Variants in HIVEP3 observed in about 807,000 individuals in gnomAD.
HIVEP3 encodes transcription factor HIVEP3.
Under a neutral mutation model 152.8 loss-of-function variants are expected in HIVEP3, and 49 were observed. That is an observed-to-expected ratio of 0.32 (90% CI 0.26 to 0.41). The LOEUF is 0.41. HIVEP3 is among the 10% of genes least tolerant of loss of function. The pLI, the probability that HIVEP3 is intolerant of heterozygous loss-of-function variation, is 1.00. For missense variants in HIVEP3, 2,790 were observed against 3,103.3 expected (o/e 0.90, Z 2.40); for synonymous variants, 1,269 against 1,289.0 (o/e 0.98, Z 0.33).
At chr1:41,960,381 T>C (rs1460989238) in intron 1 of HIVEP3, among the ~76,000 whole-genome samples, 2 of 152,120 alleles carry the variant, frequency 1.3e-5, no homozygotes, top group East Asian at 1.9e-4. Flanking sequence ...GTACAAGCAG[T>C]AGCTGGTAGC....
At chr1:41,569,457 T>A (rs1644220098) in intron 5 of HIVEP3, among the ~76,000 whole-genome samples, 1 of 152,204 alleles carries the variant, frequency 6.6e-6, no homozygotes, top group African/African-American at 2.4e-5. Context: ...ATTTAATTCA[T>A]AGTTTAATCA....
intron 2 of HIVEP3, among the ~76,000 whole-genome samples, chr1:41,657,082 A>G (rs1645639137): frequency 6.6e-6 from 1 of 152,016 alleles, no homozygotes; most frequent in Admixed American, 6.5e-5. Context: ...GGGGATGCAG[A>G]CTCTCTCCTA....
At chr1:41,550,860 C>G (rs967908392) in intron 5 of HIVEP3, among the ~76,000 whole-genome samples, 1 of 152,050 alleles carries the variant, frequency 6.6e-6, no homozygotes, top group Non-Finnish European at 1.5e-5. Context: ...AATTGAATAC[C>G]CTTTATTTCT....
chr1:41,513,572 C>A lies in HIVEP3; in HGVS notation c.5649G>T (p.Pro1883=), dbSNP rs150644975. ...ELSRPSSEAP[P]PGPPHALRAD... ...CCCGCAGTGCATGTGGTGGGCCAGG[C>A]GGGGGCGCCTCTGAGGATGGTCTGG... Residue 1883 remains proline, a synonymous_variant, in exon 8 of 9, where the codon CCG becomes CCT. Coordinates refer to ENST00000372583, the MANE Select transcript of HIVEP3 (RefSeq NM_024503.5). 2 of 1,612,506 alleles carry A rather than the reference C, an allele frequency of 1.2e-6. No homozygotes were observed. Among genetic ancestry groups the A allele is most frequent in the Non-Finnish European group, 1.7e-6 (2 of 1,179,540 alleles).
Position 41,584,087 on chromosome 1 carries a change from C to T in HIVEP3, c.711G>A (p.Lys237=). ...TGCGGTGGGCATGGGACTTCCTGTG[C>T]TTGTAGAGATTACTCTTGGTCTTGA... ...FSFKTKSNLY[K]HRKSHAHRIK... Residue 237 remains lysine, a synonymous_variant, in exon 4 of 9, where the codon AAG becomes AAA. Coordinates refer to ENST00000372583, the MANE Select transcript of HIVEP3 (RefSeq NM_024503.5). This position sits in a 1 kb window ranked among gnomAD's most constrained non-coding sequence, Gnocchi z 5.2. 1.2e-6 allele frequency: 2 copies of T among 1,614,146 alleles called. No homozygotes were observed. Among genetic ancestry groups the T allele is most frequent in the South Asian group, 2.2e-5 (2 of 91,078 alleles).
At position 41,510,254 on chromosome 1, in the gene HIVEP3, G is replaced by C. The variant is rs1644430173; in HGVS notation, c.*197C>G. ...TAAATGTATGTATGTGATTTGTTTT[G>C]TTTCTTTTTAAGCAACAAAAGGTGT... On this transcript the variant is annotated 3_prime_UTR_variant, in exon 9 of 9. Coordinates refer to ENST00000372583, the MANE Select transcript of HIVEP3 (RefSeq NM_024503.5). 1 of 410,998 alleles carries C rather than the reference G, an allele frequency of 2.4e-6. No homozygotes were observed. The highest frequency in any genetic ancestry group is 4.2e-6 in the Non-Finnish European group (1 of 236,244). 25.5% of individuals were successfully genotyped at this position (410,998 alleles called of 1,614,324 possible). A position where few individuals can be genotyped will look rare whatever the true frequency, so the allele number is the denominator to read the frequency against.
At chr1:41,879,203 T>C (rs1644222692) in intron 1 of HIVEP3, among the ~76,000 whole-genome samples, 1 of 152,166 alleles carries the variant, frequency 6.6e-6, no homozygotes, top group South Asian at 2.1e-4. Context: ...GCAGGACCTG[T>C]TCCAGGTGCC....
intron 1 of HIVEP3, among the ~76,000 whole-genome samples, chr1:41,831,106 A>T (rs1330648784): frequency 1.3e-5 from 2 of 152,198 alleles, no homozygotes; most frequent in African/African-American, 2.4e-5. Flanking sequence ...TGAACTGCAG[A>T]GGACAAATAC....
intron 2 of HIVEP3, among the ~76,000 whole-genome samples, chr1:41,658,579 C>T (rs1016730635): frequency 2.9e-4 from 44 of 152,198 alleles, no homozygotes; most frequent in Admixed American, 2.2e-3. Context: ...CACTTCACCC[C>T]CCCCATGAGC....
chr1:41,591,692 T>A (rs1004893184), intron 3 of HIVEP3, among the ~76,000 whole-genome samples: 3 of 151,970 alleles, frequency 2.0e-5, no homozygotes, highest in Non-Finnish European at 4.4e-5. Flanking sequence ...TGGATTTTCA[T>A]GAGATAATGA....
chr1:41,913,312 G>A (rs1039910955), intron 1 of HIVEP3, among the ~76,000 whole-genome samples: 20 of 152,294 alleles, frequency 1.3e-4, no homozygotes, highest in Non-Finnish European at 2.4e-4. Flanking sequence ...AATGTCAAGC[G>A]TCTACTGTGT....
intron 1 of HIVEP3, among the ~76,000 whole-genome samples, chr1:41,946,017 G>A (rs1476851284): frequency 1.3e-5 from 2 of 152,104 alleles, no homozygotes; most frequent in Non-Finnish European, 2.9e-5. Context: ...CAGGCGGAAC[G>A]GGACAAACGG....
rs78528560 is a variant in HIVEP3, at chr1:42,003,589, C to T, written n.119+32218G>A. On this transcript the variant is annotated intron_variant and non_coding_transcript_variant, in intron 1 of 3. Transcript: ENST00000489103. ...ACCTTGGGAGCAAGTCCCCCAGGCACTCCTTCCTGGCACAGATCCTGAAAT... is the reference window on the plus strand; with the variant it reads ...ACCTTGGGAGCAAGTCCCCCAGGCATTCCTTCCTGGCACAGATCCTGAAAT... Among the ~76,000 whole-genome samples the T allele has an allele frequency of 2.4e-4, 37 of 152,262 alleles. 1 individual carries two copies. In the East Asian group the frequency reaches 7.2e-3, roughly 29 times the overall value.
chr1:41,572,422 G>A (rs11210459), intron 5 of HIVEP3, among the ~76,000 whole-genome samples: 1,717 of 6,182 alleles, frequency 0.28, 35 homozygotes, highest in African/African-American at 0.28. Flanking sequence ...TCTGGGTCTC[G>A]CCCACCCTCT....
intron 3 of HIVEP3, among the ~76,000 whole-genome samples, chr1:41,586,305 C>T (rs751755601): frequency 7.2e-5 from 11 of 152,144 alleles, no homozygotes; most frequent in South Asian, 2.1e-4. Flanking sequence ...GGAACAGGGT[C>T]GGAATCCCAA....
intron 1 of HIVEP3, among the ~76,000 whole-genome samples, chr1:41,940,937 A>G (rs1166248857): frequency 6.6e-6 from 1 of 152,118 alleles, no homozygotes; most frequent in African/African-American, 2.4e-5. Flanking sequence ...CATCAACACT[A>G]AAAGGTCAGG....
chr1:41,713,026 TG>T lies in HIVEP3; in HGVS notation c.-800-12032del, dbSNP rs148008319. On this transcript the variant is annotated intron_variant, in intron 1 of 8. Transcript: ENST00000372583. ...GTGGTCCTTCCACTTCTGAGATGTG[TG>T]ACCTTGACAAGTTCAGCAGAGCATT... is the stretch of plus-strand genomic sequence containing the variant. Among the ~76,000 whole-genome samples the T allele has an allele frequency of 0.021, 3,221 of 152,272 alleles. 169 individuals carry two copies. The East Asian group carries it at 0.22, about 10-fold the overall frequency.
chr1:41,631,122 C>T (rs1019661976), intron 2 of HIVEP3, among the ~76,000 whole-genome samples: 1 of 152,174 alleles, frequency 6.6e-6, no homozygotes, highest in Non-Finnish European at 1.5e-5. Context: ...TTGTTTCAGT[C>T]AGTGGTGGCG....
chr1:41,663,887 A>G (rs1305141078), intron 2 of HIVEP3, among the ~76,000 whole-genome samples: 1 of 152,106 alleles, frequency 6.6e-6, no homozygotes, highest in Admixed American at 6.5e-5. Context: ...GCCCAATCCC[A>G]GCTCTAATTG....
Sources: gnomAD v4.1 joint callset for allele counts (sites outside exome capture counted in the v4.1 genomes callset) on GRCh38, gnomAD v4.1.1 for gene constraint, Gnocchi (gnomAD v3.1) non-coding constraint, MANE v1.5 for transcripts, NCBI Gene and HGNC (gene_info 2026-07-23, HGNC 2026-07-21) for gene names.